Variants in THOC1 observed in about 807,000 individuals in gnomAD.
THOC1 encodes THO complex subunit 1.
Under a neutral mutation model 97.3 loss-of-function variants are expected in THOC1, and 29 were observed. The ratio of observed to expected loss-of-function variants is 0.30; its 90% CI spans 0.22 to 0.41. The LOEUF (loss-of-function observed/expected upper bound fraction) is 0.41. Among genes scored for constraint, THOC1 ranks in the 10% least tolerant of loss-of-function variants. THOC1 has a pLI of 1.00. For synonymous variants in THOC1, 255 were observed against 257.0 expected (o/e 0.99, Z 0.07); for missense variants, 529 against 761.9 (o/e 0.69, Z 3.60).
intron 17 of THOC1, among the ~76,000 whole-genome samples, chr18:222,530 A>G (rs1911127480): frequency 1.3e-5 from 2 of 152,218 alleles, no homozygotes; most frequent in African/African-American, 4.8e-5. Flanking sequence ...CAGGTTTAAC[A>G]GCAGTCTGGA....
chr18:226,998 C>A, intron 11 of THOC1, 97 bp from the exon 12 acceptor site: 1 of 958,864 alleles, frequency 1.0e-6, no homozygotes, highest in Admixed American at 2.4e-5. Flanking sequence ...TGGAAGATTC[C>A]AATTCAATTT....
Position 249,910 on chromosome 18 carries a change from A to G in THOC1, c.678-1953T>C, listed in dbSNP as rs116500810. Among the ~76,000 whole-genome samples the G allele has an allele frequency of 4.3e-3, 649 of 152,302 alleles. 6 individuals carry two copies. Among genetic ancestry groups the G allele is most frequent in the African/African-American group, 0.015 (628 of 41,570 alleles). ...TAAATACCTCTTGAAATGTACCAGG[A>G]AAGTTTGTCTCTTAAAAATGGGGCT... is the stretch of plus-strand genomic sequence containing the variant. On this transcript the variant is annotated intron_variant, in intron 9 of 20. Transcript: ENST00000261600.
chr18:227,689 ACTGAAGGAAGG>A (rs1280456874), intron 11 of THOC1, among the ~76,000 whole-genome samples: 19 of 152,186 alleles, frequency 1.2e-4, no homozygotes, highest in Non-Finnish European at 2.4e-4. Context: ...TGCATGGAAC[ACTGAAGGAAGG>A]CTGAAGTCTG....
chr18:229,688 G>C (rs978387770), intron 11 of THOC1, among the ~76,000 whole-genome samples: 5 of 152,022 alleles, frequency 3.3e-5, no homozygotes, highest in Non-Finnish European at 7.4e-5. Flanking sequence ...GTCTTGGGGC[G>C]GGGGAAGAAA....
chr18:218,794 C>T, intron 18 of THOC1, 92 bp downstream of exon 18: 1 of 1,010,240 alleles, frequency 9.9e-7, no homozygotes, highest in Non-Finnish European at 1.5e-6. Context: ...CTATCTACTG[C>T]CTCTCTTAAG....
At chr18:243,894 T>C (rs1274939144) in intron 11 of THOC1, among the ~76,000 whole-genome samples, 1 of 152,204 alleles carries the variant, frequency 6.6e-6, no homozygotes, top group South Asian at 2.1e-4. Flanking sequence ...ATTAGGTATA[T>C]TAAATCAGTC....
Position 260,174 on chromosome 18 carries a change from TA to T in THOC1, c.375+11del. ...AGATAAAGTTAGCAGGAAAAGAAAC[TA>T]AGGCACTTACTGATTTCCAAGTAGC... On this transcript the variant is annotated intron_variant, in intron 5 of 20. Transcript: ENST00000261600. 6.7e-7 allele frequency: 1 copy of T among 1,483,354 alleles called. No homozygotes were observed. The highest frequency in any genetic ancestry group is 2.4e-5 in the East Asian group (1 of 40,970). The allele number at this position is 1,483,354 out of a possible 1,614,324, so 91.9% of individuals were successfully genotyped here.
Position 225,608 on chromosome 18 carries a change from A to T in THOC1, c.1020-205T>A, listed in dbSNP as rs9950486. 3,211 of 549,468 alleles carry T rather than the reference A, an allele frequency of 5.8e-3. 89 individuals carry two copies. Among genetic ancestry groups the T allele is most frequent in the African/African-American group, 0.053 (2,790 of 52,630 alleles). The allele number at this position is 549,468 out of a possible 1,614,324, so 34.0% of individuals were successfully genotyped here. On this transcript the variant is annotated intron_variant, in intron 12 of 20. Transcript: ENST00000261600. Reference sequence around the variant, plus strand: ...AGAGGGTTGGTACTGAAGACATAAAAGCATATGCAGGGAATAAAACATTCA... The same window carrying T: ...AGAGGGTTGGTACTGAAGACATAAATGCATATGCAGGGAATAAAACATTCA...
At chr18:233,780 C>A (rs373012029) in intron 11 of THOC1, among the ~76,000 whole-genome samples, 31 of 152,260 alleles carry the variant, frequency 2.0e-4, no homozygotes, top group Non-Finnish European at 1.0e-4. Context: ...CAAGTGTTCC[C>A]GCTTTCTTCA....
intron 11 of THOC1, among the ~76,000 whole-genome samples, chr18:234,787 AGTTT>A (rs1463453384): frequency 1.3e-5 from 2 of 152,214 alleles, no homozygotes; most frequent in Middle Eastern, 3.4e-3. Context: ...TTAATTTGTG[AGTTT>A]GTAAGACATT....
intron 11 of THOC1, among the ~76,000 whole-genome samples, chr18:243,611 T>C (rs2143240598): frequency 6.6e-6 from 1 of 152,240 alleles, no homozygotes; most frequent in Admixed American, 6.5e-5. Context: ...CTGAGAAATG[T>C]GGACCTGTAA....
At chr18:219,513 G>A (rs1318537950) in intron 17 of THOC1, among the ~76,000 whole-genome samples, 1 of 152,110 alleles carries the variant, frequency 6.6e-6, no homozygotes, top group Non-Finnish European at 1.5e-5. Context: ...ATAAAGTGGT[G>A]GCAGGACAAG....
rs117115980 is a variant in THOC1, at chr18:254,958, G to A, written c.521-603C>T. ...AGCCTCCTGAGTAGCTGGGACTACA[G>A]GCAAGCACCACCATGCCTGGCTAAA... On this transcript the variant is annotated intron_variant, in intron 7 of 20. Transcript: ENST00000261600. This position sits in a 1 kb window ranked among gnomAD's most constrained non-coding sequence, Gnocchi z 4.1. 0.011 allele frequency among the ~76,000 whole-genome samples: 1,613 copies of A among 152,164 alleles called. 10 individuals are homozygous for A. The highest frequency in any genetic ancestry group is 0.015 in the Non-Finnish European group (1,007 of 67,994).
chr18:236,659 G>A (rs1270746793), intron 11 of THOC1, among the ~76,000 whole-genome samples: 7 of 151,946 alleles, frequency 4.6e-5, no homozygotes, highest in African/African-American at 1.2e-4. Flanking sequence ...CACCGCGCCC[G>A]GCGAAAGAAT....
intron 4 of THOC1, among the ~76,000 whole-genome samples, chr18:262,848 T>A (rs570153286): frequency 1.4e-5 from 2 of 146,570 alleles, no homozygotes; most frequent in Non-Finnish European, 3.0e-5. Flanking sequence ...CATATATTAT[T>A]TGAATTAATC....
intron 1 of THOC1, among the ~76,000 whole-genome samples, chr18:266,439 C>T (rs1258623739): frequency 6.6e-6 from 1 of 152,152 alleles, no homozygotes; most frequent in African/African-American, 2.4e-5. Flanking sequence ...CTCAGGCTCC[C>T]TTCCACACTT....
intron 7 of THOC1, among the ~76,000 whole-genome samples, chr18:257,821 G>A (rs575060607): frequency 2.0e-5 from 3 of 152,042 alleles, no homozygotes; most frequent in African/African-American, 7.2e-5. Context: ...TTCAGAATCA[G>A]GTAGAGAGAG....
At chr18:252,008 T>C (rs1040311178) in intron 9 of THOC1, among the ~76,000 whole-genome samples, 4 of 152,206 alleles carry the variant, frequency 2.6e-5, no homozygotes, top group African/African-American at 9.7e-5. Context: ...CTAACTTTTG[T>C]TTGTTAGCCT....
chr18:226,748 C>T, intron 12 of THOC1, 53 bp downstream of exon 12: 1 of 1,379,352 alleles, frequency 7.2e-7, no homozygotes, highest in Admixed American at 2.1e-5. Flanking sequence ...TAAGCAAGTC[C>T]TTTTTTTTCT....
Sources: allele counts gnomAD v4.1 joint callset (sites outside exome capture counted in the v4.1 genomes callset), GRCh38; gene constraint gnomAD v4.1.1; non-coding constraint Gnocchi (gnomAD v3.1); transcripts MANE v1.5; gene names NCBI Gene and HGNC (gene_info 2026-07-23, HGNC 2026-07-21).